ATAD2B: variants seen among roughly 807,000 people sequenced by gnomAD.
ATAD2B encodes ATPase family AAA domain containing 2B.
ATAD2B carries 40 observed loss-of-function variants against 167.6 expected under a neutral mutation model. The ratio of observed to expected loss-of-function variants is 0.24; its 90% CI spans 0.19 to 0.31. The LOEUF (loss-of-function observed/expected upper bound fraction) is 0.31, where lower values mean the gene tolerates loss of function less well. Among genes scored for constraint, ATAD2B ranks in the 10% least tolerant of loss-of-function variants. ATAD2B has a pLI of 1.00. For synonymous variants in ATAD2B, 579 were observed against 596.5 expected (o/e 0.97, Z 0.43); for missense variants, 1,242 against 1,757.2 (o/e 0.71, Z 5.24).
At chr2:23,706,578 A>G in the ATAD2B span, 1 of 1,537,160 alleles carries the variant, frequency 6.5e-7, no homozygotes, top group Non-Finnish European at 8.7e-7. Flanking sequence ...GCCCACAACC[A>G]ACACATGGAC....
chr2:23,714,793 T>G, the ATAD2B span, among the ~76,000 whole-genome samples: 1 of 151,324 alleles, frequency 6.6e-6, no homozygotes, highest in Non-Finnish European at 1.5e-5. Context: ...AGGCGGAGGC[T>G]GCAGTGAGCC....
chr2:23,686,141 G>T, the ATAD2B span, among the ~76,000 whole-genome samples: 1 of 121,606 alleles, frequency 8.2e-6, no homozygotes, highest in Non-Finnish European at 1.7e-5. Context: ...GCATGAGTGG[G>T]GAAGGGCAGG....
chr2:23,704,948 T>G, the ATAD2B span, among the ~76,000 whole-genome samples: 2 of 152,266 alleles, frequency 1.3e-5, no homozygotes, highest in Non-Finnish European at 2.9e-5. Flanking sequence ...CCTACTAGCA[T>G]GTCAGTGACC....
intron 12 of ATAD2B, among the ~76,000 whole-genome samples, chr2:23,861,436 G>T (rs1694350613): frequency 6.7e-6 from 1 of 148,408 alleles, no homozygotes; most frequent in Non-Finnish European, 1.5e-5. Context: ...TTCATTTAGT[G>T]CATAGACCAT....
intron 13 of ATAD2B, among the ~76,000 whole-genome samples, chr2:23,851,528 C>T (rs1692569950): frequency 6.6e-6 from 1 of 152,134 alleles, no homozygotes; most frequent in South Asian, 2.1e-4. Context: ...TTTCATACGT[C>T]CCCCGCCTGC....
chr2:23,906,198 G>A (rs1448978785), intron 1 of ATAD2B, among the ~76,000 whole-genome samples: 2 of 151,896 alleles, frequency 1.3e-5, no homozygotes, highest in Admixed American at 6.6e-5. Flanking sequence ...AAAATTGGCC[G>A]GGTTTGGTGG....
At position 23,818,749 on chromosome 2, in the gene ATAD2B, C is replaced by T. The variant is rs191554620; in HGVS notation, c.2267+998G>A. ...TCTACCTGACTGAAGCTTTATGGTC[C>T]TTCAACTATGGGGCTAATTATGTAA... is the stretch of plus-strand genomic sequence containing the variant. On this transcript the variant is annotated intron_variant, in intron 17 of 27. Coordinates refer to ENST00000238789, the MANE Select transcript of ATAD2B (RefSeq NM_017552.4). Among the ~76,000 whole-genome samples the T allele has an allele frequency of 2.3e-3, 353 of 152,250 alleles. 2 individuals carry two copies. The highest frequency in any genetic ancestry group is 3.9e-3 in the Non-Finnish European group (263 of 68,012).
Position 23,875,826 on chromosome 2 carries a change from T to C in ATAD2B, c.977+3A>G, listed in dbSNP as rs1196678654. On this transcript the variant is annotated splice_donor_region_variant and intron_variant, in intron 8 of 27. Coordinates refer to ENST00000238789, the MANE Select transcript of ATAD2B (RefSeq NM_017552.4). ...AATGTTTCCTTTCAAAAACAAACCT[T>C]ACCTAATATGGCTTCTTCTTGCTGG... is the stretch of plus-strand genomic sequence containing the variant. 2.5e-6 allele frequency: 4 copies of C among 1,601,166 alleles called. No individual in the cohort carries two copies. The highest frequency in any genetic ancestry group is 2.6e-6 in the Non-Finnish European group (3 of 1,171,862).
At chr2:23,729,867 T>C in the ATAD2B span, among the ~76,000 whole-genome samples, 1 of 152,006 alleles carries the variant, frequency 6.6e-6, no homozygotes, top group South Asian at 2.1e-4. Flanking sequence ...CAAAATGTAA[T>C]ACAACTAACA....
intron 17 of ATAD2B, among the ~76,000 whole-genome samples, chr2:23,813,155 A>C (rs1685874983): frequency 6.6e-6 from 1 of 151,924 alleles, no homozygotes; most frequent in South Asian, 2.1e-4. Context: ...AGAATGTAGA[A>C]TATATCAAAG....
At chr2:23,720,481 G>A in the ATAD2B span, among the ~76,000 whole-genome samples, 1 of 149,390 alleles carries the variant, frequency 6.7e-6, no homozygotes, top group Non-Finnish European at 1.5e-5. Context: ...GGCTGAAGGA[G>A]GAGAATCACT....
chr2:23,794,814 C>T (rs1019475471), intron 19 of ATAD2B, among the ~76,000 whole-genome samples: 3 of 151,700 alleles, frequency 2.0e-5, no homozygotes, highest in Admixed American at 1.3e-4. Context: ...TTATTATAAA[C>T]CATATATGCA....
chr2:23,758,675 T>C (rs572651877), intron 24 of ATAD2B, among the ~76,000 whole-genome samples: 1 of 152,308 alleles, frequency 6.6e-6, no homozygotes, highest in South Asian at 2.1e-4. Flanking sequence ...TGAAGGTTAT[T>C]TGGACAATTT....
intron 22 of ATAD2B, among the ~76,000 whole-genome samples, chr2:23,776,572 C>T (rs1444407776): frequency 6.6e-6 from 1 of 152,222 alleles, no homozygotes; most frequent in Non-Finnish European, 1.5e-5. Context: ...TCCACAGAGG[C>T]ACTCTATTCT....
intron 13 of ATAD2B, among the ~76,000 whole-genome samples, chr2:23,854,632 C>T (rs1230674666): frequency 6.7e-6 from 1 of 149,814 alleles, no homozygotes; most frequent in African/African-American, 2.5e-5. Context: ...GAGCCAAGAT[C>T]GTGCCATTGC....
At chr2:23,747,446 A>T (rs1674956363), downstream of ATAD2B, among the ~76,000 whole-genome samples, 1 of 151,986 alleles carries the variant, frequency 6.6e-6, no homozygotes, top group Non-Finnish European at 1.5e-5. Flanking sequence ...TCACACACAC[A>T]AAAAAACAAG....
intron 8 of ATAD2B, chr2:23,872,661 G>A (rs1055332173): frequency 4.5e-6 from 6 of 1,346,292 alleles, no homozygotes; most frequent in African/African-American, 4.3e-5. Context: ...TCATAGGAGA[G>A]CCTCCAGATC....
intron 19 of ATAD2B, among the ~76,000 whole-genome samples, chr2:23,790,201 A>G (rs1356804480): frequency 6.6e-6 from 1 of 152,206 alleles, no homozygotes; most frequent in Non-Finnish European, 1.5e-5. Flanking sequence ...AAAACTGAAG[A>G]AAATGTCTTT....
the ATAD2B span, among the ~76,000 whole-genome samples, chr2:23,724,800 T>C: frequency 2.0e-5 from 3 of 152,138 alleles, 1 homozygote; most frequent in African/African-American, 7.2e-5. Flanking sequence ...TCCCAGCACT[T>C]TGGGAGGCCG....
Sources: allele counts gnomAD v4.1 joint callset (sites outside exome capture counted in the v4.1 genomes callset), GRCh38; gene constraint gnomAD v4.1.1; transcripts MANE v1.5; gene names NCBI Gene and HGNC (gene_info 2026-07-23, HGNC 2026-07-21).